The following DMD variants were observed in gnomAD, a reference collection of about 807,000 sequenced individuals.
DMD encodes the protein dystrophin.
In DMD, 63 loss-of-function variants were observed where a neutral mutation model predicts 330.1. The observed-to-expected ratio is 0.19, with a 90% CI of 0.16 to 0.24. The LOEUF (loss-of-function observed/expected upper bound fraction) is 0.24. Ranked by LOEUF, DMD falls within the 10% of genes least tolerant of loss-of-function variation. The pLI is 1.00. For missense variants in DMD, 3,344 were observed against 2,684.1 expected, an observed-to-expected ratio of 1.25 and a Z score of -5.43; for synonymous variants, 1,223 against 959.8, an observed-to-expected ratio of 1.27 and a Z score of -5.07.
chrX:32,091,795 A>G (rs1214780145), intron 44 of DMD, among the ~76,000 whole-genome samples: 2 of 111,798 alleles, frequency 1.8e-5, no homozygotes, highest in Non-Finnish European at 3.8e-5. Context: ...AAATAATACA[A>G]TAATTACAAG....
At chrX:31,395,370 A>G (rs2060873625) in intron 60 of DMD, among the ~76,000 whole-genome samples, 1 of 112,265 alleles carries the variant, frequency 8.9e-6, no homozygotes, top group Admixed American at 9.5e-5. Flanking sequence ...AGTATCTTTT[A>G]AATAAAGAGC....
chrX:32,498,679 T>C (rs986612000), intron 19 of DMD, among the ~76,000 whole-genome samples: 2 of 111,832 alleles, frequency 1.8e-5, no homozygotes, highest in African/African-American at 6.5e-5. Flanking sequence ...ATATTAACTG[T>C]TTTAAAATTC....
At chrX:31,995,534 G>T (rs2095579256) in intron 44 of DMD, among the ~76,000 whole-genome samples, 1 of 111,646 alleles carries the variant, frequency 9.0e-6, no homozygotes, top group Non-Finnish European at 1.9e-5. Context: ...TATGTTAGAG[G>T]CTTTCACTGG....
intron 1 of DMD, among the ~76,000 whole-genome samples, chrX:33,230,380 G>A (rs1362067639): frequency 1.8e-5 from 2 of 110,710 alleles, no homozygotes; most frequent in Non-Finnish European, 3.8e-5. Flanking sequence ...TTAGAACTAA[G>A]AGCACTAAAT....
At chrX:31,638,052 C>G (rs1292157925) in intron 54 of DMD, among the ~76,000 whole-genome samples, 1 of 111,843 alleles carries the variant, frequency 8.9e-6, no homozygotes. Flanking sequence ...GTTTCTGTTA[C>G]TCTTCCACGA....
intron 9 of DMD, among the ~76,000 whole-genome samples, chrX:32,694,807 C>G (rs1235731063): frequency 4.5e-5 from 5 of 110,897 alleles, no homozygotes; most frequent in Non-Finnish European, 3.8e-5. Context: ...CAGGTGTGCG[C>G]CACCACACCC....
At chrX:32,181,134 C>T (rs1416459841) in intron 44 of DMD, among the ~76,000 whole-genome samples, 3 of 111,973 alleles carry the variant, frequency 2.7e-5, no homozygotes, top group Non-Finnish European at 5.6e-5. Flanking sequence ...CTGCATCATA[C>T]GTTTTCGAGA....
intron 1 of DMD, among the ~76,000 whole-genome samples, chrX:33,121,028 C>G (rs2095421272): frequency 9.1e-6 from 1 of 109,408 alleles, no homozygotes; most frequent in African/African-American, 3.3e-5. Context: ...TTTTGGAATG[C>G]TATTTGCAAA....
chrX:32,612,528 G>A (rs982849898), intron 12 of DMD, among the ~76,000 whole-genome samples: 3 of 111,110 alleles, frequency 2.7e-5, no homozygotes, highest in African/African-American at 6.5e-5. Context: ...TTCCAATGTC[G>A]CCCAGGGAAG....
chrX:32,662,185 G>A (rs192658597), intron 9 of DMD, among the ~76,000 whole-genome samples: 22 of 111,287 alleles, frequency 2.0e-4, no homozygotes, highest in East Asian at 5.6e-4. Context: ...ATTCTATTTG[G>A]AAGTTTTTAT....
intron 44 of DMD, among the ~76,000 whole-genome samples, chrX:32,164,186 G>A (rs747569259): frequency 7.2e-5 from 8 of 111,534 alleles, no homozygotes; most frequent in African/African-American, 2.3e-4. Context: ...GTGGTACTGA[G>A]GTAGTGAGGT....
chrX:32,667,368 A>G (rs1330955911), intron 9 of DMD, among the ~76,000 whole-genome samples: 1 of 112,240 alleles, frequency 8.9e-6, no homozygotes, highest in Non-Finnish European at 1.9e-5. Flanking sequence ...ATTATATTGA[A>G]CAAAAAAAAG....
At chrX:32,006,310 T>C (rs2095660987) in intron 44 of DMD, among the ~76,000 whole-genome samples, 1 of 111,931 alleles carries the variant, frequency 8.9e-6, no homozygotes, top group Non-Finnish European at 1.9e-5. Context: ...AAATGATTTT[T>C]CCTCAGTTAT....
At chrX:32,334,699 A>G (rs892238436) in intron 41 of DMD, among the ~76,000 whole-genome samples, 9 of 111,563 alleles carry the variant, frequency 8.1e-5, no homozygotes, top group African/African-American at 2.9e-4. Context: ...TTATTTCACC[A>G]TCACTCAAAT....
intron 1 of DMD, among the ~76,000 whole-genome samples, chrX:33,099,000 A>G (rs1223182569): frequency 8.9e-6 from 1 of 112,366 alleles, no homozygotes; most frequent in African/African-American, 3.2e-5. Flanking sequence ...CTATGACCTA[A>G]TGCGTGCTTG....
intron 44 of DMD, among the ~76,000 whole-genome samples, chrX:32,042,064 T>C (rs761109652): frequency 8.3e-5 from 5 of 60,289 alleles, no homozygotes; most frequent in African/African-American, 2.9e-4. Context: ...TATATATATA[T>C]ATGTACACAT....
intron 27 of DMD, among the ~76,000 whole-genome samples, chrX:32,443,627 G>A (rs2098291586): frequency 3.6e-5 from 4 of 111,297 alleles, no homozygotes; most frequent in Admixed American, 2.9e-4. Flanking sequence ...AGAATGGATA[G>A]CTTCTTCTGT....
rs921239094 is a variant in DMD, at chrX:33,265,700, C to T, written c.7+73559G>A. ...GAACAAAATACGTAAAGATAAATCT[C>T]TCAATTTTTATATCATACGTTCCAG... On this transcript the variant is annotated intron_variant, in intron 1 of 17. Coordinates refer to the DMD transcript ENST00000288447. Among the ~76,000 whole-genome samples, 5 of 110,992 alleles carry T rather than the reference C, an allele frequency of 4.5e-5. No homozygotes were observed. The Admixed American group carries it at 4.8e-4, about 11-fold the overall frequency.
intron 43 of DMD, among the ~76,000 whole-genome samples, chrX:32,236,351 T>C (rs2097187683): frequency 1.8e-5 from 2 of 112,402 alleles, no homozygotes; most frequent in Admixed American, 9.4e-5. Context: ...ACACTCTAAA[T>C]TGGTTGTACC....
Sources: allele counts gnomAD v4.1 joint callset (sites outside exome capture counted in the v4.1 genomes callset), GRCh38; gene constraint gnomAD v4.1.1; transcripts MANE v1.5; gene names NCBI Gene and HGNC (gene_info 2026-07-23, HGNC 2026-07-21).